STPG2: variants seen among roughly 807,000 people sequenced by gnomAD.
The protein encoded by STPG2 is sperm tail PG-rich repeat containing 2, also known as sperm-tail PG-rich repeat-containing protein 2.
Under a neutral mutation model 54.2 loss-of-function variants are expected in STPG2, and 56 were observed. The observed-to-expected ratio is 1.03, with a 90% CI of 0.83 to 1.29. The LOEUF (loss-of-function observed/expected upper bound fraction) is 1.29. Ranked by LOEUF, STPG2 falls within the 50% of genes most tolerant of loss-of-function variation. The pLI is 0.00. For missense variants in STPG2, 596 were observed against 544.9 expected (o/e 1.09, Z -0.93); for synonymous variants, 200 against 181.8 (o/e 1.10, Z -0.81).
intron 8 of STPG2, among the ~76,000 whole-genome samples, chr4:97,921,345 A>C (rs776375472): frequency 1.3e-5 from 2 of 152,156 alleles, no homozygotes; most frequent in Non-Finnish European, 2.9e-5. Context: ...TGGCCTGACA[A>C]GTCAAAATAA....
chr4:97,668,964 T>C (rs1471510254), intron 10 of STPG2, among the ~76,000 whole-genome samples: 1 of 151,946 alleles, frequency 6.6e-6, no homozygotes, highest in Non-Finnish European at 1.5e-5. Context: ...TCTGAGGAAC[T>C]GCTATAGGCT....
chr4:97,888,133 A>G (rs902713878), intron 8 of STPG2, among the ~76,000 whole-genome samples: 17 of 152,164 alleles, frequency 1.1e-4, no homozygotes, highest in Non-Finnish European at 1.9e-4. Flanking sequence ...CAGAGCCTCA[A>G]AGGGAACCCC....
chr4:97,781,510 G>A (rs962336319), intron 9 of STPG2, among the ~76,000 whole-genome samples: 17 of 152,118 alleles, frequency 1.1e-4, no homozygotes, highest in African/African-American at 4.1e-4. Flanking sequence ...GTACAAGAAG[G>A]AGCTCATAAC....
intron 4 of STPG2, among the ~76,000 whole-genome samples, chr4:97,455,867 C>T (rs1305661904): frequency 6.6e-6 from 1 of 152,132 alleles, no homozygotes; most frequent in Non-Finnish European, 1.5e-5. Context: ...CAGTTGGAGC[C>T]CCACAACCTG....
At chr4:97,738,275 C>A (rs1469407193) in intron 9 of STPG2, among the ~76,000 whole-genome samples, 1 of 152,108 alleles carries the variant, frequency 6.6e-6, no homozygotes, top group African/African-American at 2.4e-5. Flanking sequence ...TTGTAAAGAC[C>A]ATCGAGGCTA....
At chr4:97,962,055 C>G (rs1016361643) in intron 7 of STPG2, among the ~76,000 whole-genome samples, 1 of 152,126 alleles carries the variant, frequency 6.6e-6, no homozygotes, top group Non-Finnish European at 1.5e-5. Flanking sequence ...ATGGCATTCA[C>G]AGAAACCTGG....
chr4:97,639,794 T>C (rs1721702990), intron 10 of STPG2, among the ~76,000 whole-genome samples: 1 of 151,694 alleles, frequency 6.6e-6, no homozygotes, highest in South Asian at 2.1e-4. Context: ...AATTATTGGT[T>C]CCCAAAAGGA....
intron 4 of STPG2, among the ~76,000 whole-genome samples, chr4:97,459,440 G>GTTTTTTTTTTT (rs564314656): frequency 8.2e-6 from 1 of 122,490 alleles, no homozygotes; most frequent in African/African-American, 3.1e-5. Flanking sequence ...GTTTTTTTTT[G>GTTTTTTTTTTT]TTTTTTTTTT....
At chr4:97,938,004 G>T (rs753012418) in intron 8 of STPG2, among the ~76,000 whole-genome samples, 2 of 152,166 alleles carry the variant, frequency 1.3e-5, no homozygotes, top group African/African-American at 2.4e-5. Flanking sequence ...TAGTCTGCAG[G>T]TCCACAGAGA....
At chr4:98,049,423 T>C (rs562853191) in intron 5 of STPG2, among the ~76,000 whole-genome samples, 1 of 152,304 alleles carries the variant, frequency 6.6e-6, no homozygotes, top group South Asian at 2.1e-4. Context: ...GAATCAAAGA[T>C]TGCTTGGTTT....
chr4:97,833,678 T>A (rs950916473), intron 9 of STPG2, among the ~76,000 whole-genome samples: 6 of 151,912 alleles, frequency 3.9e-5, no homozygotes, highest in African/African-American at 1.4e-4. Context: ...AATAACCCCA[T>A]CAAAAAGTGG....
chr4:98,006,860 C>T (rs10013605), intron 5 of STPG2, among the ~76,000 whole-genome samples: 9,114 of 152,256 alleles, frequency 0.06, 301 homozygotes, highest in Middle Eastern at 0.092. Context: ...GTGGGTCCCA[C>T]ACCTGTTCAC....
chr4:97,743,053 A>G (rs2149038999), intron 9 of STPG2, among the ~76,000 whole-genome samples: 1 of 151,934 alleles, frequency 6.6e-6, no homozygotes, highest in African/African-American at 2.4e-5. Flanking sequence ...AAAGTAAAAA[A>G]GCTATTATGT....
chr4:98,107,224 G>T (rs1739214483), intron 4 of STPG2, among the ~76,000 whole-genome samples: 2 of 152,046 alleles, frequency 1.3e-5, no homozygotes. Context: ...TTCATTTAGA[G>T]TAACCAAATA....
At chr4:97,744,478 AT>A (rs1194939139) in intron 9 of STPG2, among the ~76,000 whole-genome samples, 1 of 151,198 alleles carries the variant, frequency 6.6e-6, no homozygotes, top group Non-Finnish European at 1.5e-5. Flanking sequence ...TGGCAATATA[AT>A]TTTTTATTTT....
At chr4:98,054,058 T>A (rs1459686839) in intron 5 of STPG2, among the ~76,000 whole-genome samples, 1 of 152,160 alleles carries the variant, frequency 6.6e-6, no homozygotes, top group Non-Finnish European at 1.5e-5. Context: ...TTAAGACATA[T>A]TCCTTACAAA....
At chr4:97,442,296 T>G (rs1244684908) in intron 4 of STPG2, among the ~76,000 whole-genome samples, 2 of 152,048 alleles carry the variant, frequency 1.3e-5, no homozygotes, top group African/African-American at 2.4e-5. Flanking sequence ...ATTATCTAGC[T>G]TGTTCTTTCT....
At chr4:97,847,266 T>A (rs1482694818) in intron 8 of STPG2, among the ~76,000 whole-genome samples, 1 of 152,178 alleles carries the variant, frequency 6.6e-6, no homozygotes, top group East Asian at 1.9e-4. Context: ...TTGCAAATTA[T>A]AATTACTAAG....
intron 9 of STPG2, among the ~76,000 whole-genome samples, chr4:97,763,073 A>T (rs761311781): frequency 2.6e-5 from 4 of 152,186 alleles, no homozygotes; most frequent in Non-Finnish European, 4.4e-5. Context: ...TTGTATTATA[A>T]GTGCTGATAC....
Sources: allele counts gnomAD v4.1 joint callset (sites outside exome capture counted in the v4.1 genomes callset), GRCh38; gene constraint gnomAD v4.1.1; transcripts MANE v1.5; gene names NCBI Gene and HGNC (gene_info 2026-07-23, HGNC 2026-07-21).